Variants in SPOCK3 observed in about 807,000 individuals in gnomAD.
SPOCK3 encodes the protein SPARC (osteonectin), cwcv and kazal like domains proteoglycan 3, also known as testican-3.
A neutral mutation model predicts 56.6 loss-of-function variants in SPOCK3; 30 were observed. The ratio of observed to expected loss-of-function variants is 0.53; its 90% CI spans 0.40 to 0.72. The LOEUF is 0.72. SPOCK3 is among the 30% of genes least tolerant of loss of function. The pLI is 0.00. For synonymous variants in SPOCK3, 196 were observed against 183.3 expected (o/e 1.07, Z -0.56); for missense variants, 527 against 530.0 (o/e 0.99, Z 0.06).
chr4:167,166,033 A>G (rs1262077462), intron 2 of SPOCK3, among the ~76,000 whole-genome samples: 7 of 152,104 alleles, frequency 4.6e-5, no homozygotes, highest in Admixed American at 4.6e-4. Flanking sequence ...AAGATGGATG[A>G]CAAGTTACTG....
At chr4:167,120,572 A>T (rs943589072) in intron 2 of SPOCK3, among the ~76,000 whole-genome samples, 3 of 152,064 alleles carry the variant, frequency 2.0e-5, no homozygotes, top group Non-Finnish European at 4.4e-5. Flanking sequence ...ACTTAGTATT[A>T]TAGTTAGTAA....
At chr4:166,889,315 GA>G in intron 5 of SPOCK3, 71 bp from the exon 6 acceptor site, 1 of 975,644 alleles carries the variant, frequency 1.0e-6, no homozygotes, top group South Asian at 1.5e-5. Flanking sequence ...GAAATTTTTA[GA>G]AAGAAAGGTA....
chr4:167,006,583 C>G (rs887748102), intron 3 of SPOCK3, among the ~76,000 whole-genome samples: 1 of 151,946 alleles, frequency 6.6e-6, no homozygotes, highest in African/African-American at 2.4e-5. Flanking sequence ...TACTGTATTC[C>G]GATAATTCGC....
intron 2 of SPOCK3, among the ~76,000 whole-genome samples, chr4:167,199,337 G>A (rs926554063): frequency 6.6e-6 from 1 of 151,786 alleles, no homozygotes. Flanking sequence ...GTTAGCTGCT[G>A]ATGGCTTATA....
At chr4:166,925,400 AT>A (rs1461725958) in intron 4 of SPOCK3, among the ~76,000 whole-genome samples, 1 of 152,094 alleles carries the variant, frequency 6.6e-6, no homozygotes, top group Non-Finnish European at 1.5e-5. Flanking sequence ...TATTCCCCAA[AT>A]CAACAAAAAA....
chr4:167,195,117 C>G (rs1732820118), intron 2 of SPOCK3, among the ~76,000 whole-genome samples: 1 of 152,128 alleles, frequency 6.6e-6, no homozygotes, highest in Non-Finnish European at 1.5e-5. Flanking sequence ...GAGTTGCAGA[C>G]AGGTTACTTG....
At chr4:166,847,751 A>G (rs1395654434) in intron 6 of SPOCK3, among the ~76,000 whole-genome samples, 1 of 146,796 alleles carries the variant, frequency 6.8e-6, no homozygotes, top group Non-Finnish European at 1.5e-5. Context: ...ATCCAACACC[A>G]GCCATCTCTG....
intron 3 of SPOCK3, among the ~76,000 whole-genome samples, chr4:167,059,736 A>G: frequency 6.6e-6 from 1 of 152,250 alleles, no homozygotes; most frequent in East Asian, 1.9e-4. Context: ...ACAATATGAA[A>G]GACTTGGAAC....
At chr4:166,888,340 G>A (rs531864869) in intron 6 of SPOCK3, among the ~76,000 whole-genome samples, 10 of 152,110 alleles carry the variant, frequency 6.6e-5, no homozygotes, top group African/African-American at 2.4e-4. Flanking sequence ...GAGTTCAATA[G>A]TAATAAATTA....
At chr4:166,840,526 C>A (rs560288578) in intron 6 of SPOCK3, among the ~76,000 whole-genome samples, 15 of 152,146 alleles carry the variant, frequency 9.9e-5, no homozygotes, top group African/African-American at 3.6e-4. Flanking sequence ...TGTTTCTGGG[C>A]TTTCTAGTTT....
chr4:166,852,777 C>T (rs867128509), intron 6 of SPOCK3, among the ~76,000 whole-genome samples: 2 of 152,202 alleles, frequency 1.3e-5, no homozygotes, highest in African/African-American at 4.8e-5. Context: ...CAGAAGTTAG[C>T]AGAGGTTTTA....
At position 167,162,603 on chromosome 4, in the gene SPOCK3, G is replaced by T. The variant is rs567809385; in HGVS notation, c.189+71382C>A. On this transcript the variant is annotated intron_variant, in intron 2 of 10. Transcript: ENST00000357545. ...GCCCACTGGACAGTGCTGCTCGAAG[G>T]TATACATTATTACCTATCACCTTTT... 7.9e-4 allele frequency among the ~76,000 whole-genome samples: 120 copies of T among 152,136 alleles called. 2 individuals carry two copies. In the Middle Eastern group the frequency reaches 0.01, roughly 13 times the overall value.
chr4:167,065,610 A>G (rs1373854928), intron 2 of SPOCK3, among the ~76,000 whole-genome samples: 2 of 151,860 alleles, frequency 1.3e-5, no homozygotes, highest in Non-Finnish European at 2.9e-5. Context: ...TAGTCCCACT[A>G]CTAACCCATT....
chr4:166,959,030 T>G (rs897215996), intron 4 of SPOCK3, among the ~76,000 whole-genome samples: 2 of 152,180 alleles, frequency 1.3e-5, no homozygotes, highest in African/African-American at 4.8e-5. Flanking sequence ...AAAAGATTAA[T>G]TTTTATTTAT....
chr4:166,965,401 T>G lies in SPOCK3; in HGVS notation c.350+34948A>C, dbSNP rs536327221. Reference sequence around the variant, plus strand: ...AGAATTTTCTATTATTGTTTTTTTTTTTTTGTTTCTGAAAATCTCTTTGTT... The same window carrying G: ...AGAATTTTCTATTATTGTTTTTTTTGTTTTGTTTCTGAAAATCTCTTTGTT... On this transcript the variant is annotated intron_variant, in intron 4 of 10. Coordinates refer to ENST00000357545, the MANE Select transcript of SPOCK3 (RefSeq NM_001040159.2). Among the ~76,000 whole-genome samples, 3 of 151,688 alleles carry G rather than the reference T, an allele frequency of 2.0e-5. No individual in the cohort carries two copies. The East Asian group carries it at 5.8e-4, about 29-fold the overall frequency.
chr4:166,739,173 G>A (rs1734563246), intron 9 of SPOCK3, among the ~76,000 whole-genome samples: 1 of 152,158 alleles, frequency 6.6e-6, no homozygotes, highest in South Asian at 2.1e-4. Flanking sequence ...TAACCGGTGT[G>A]AGATGGTATC....
At chr4:166,810,432 T>G (rs1560882980) in intron 6 of SPOCK3, among the ~76,000 whole-genome samples, 1 of 152,070 alleles carries the variant, frequency 6.6e-6, no homozygotes, top group Non-Finnish European at 1.5e-5. Context: ...TTTTCAATAT[T>G]TCTTTAACAG....
At chr4:166,871,297 T>C (rs1732440919) in intron 6 of SPOCK3, among the ~76,000 whole-genome samples, 1 of 151,872 alleles carries the variant, frequency 6.6e-6, no homozygotes, top group Non-Finnish European at 1.5e-5. Context: ...ATCAATAAAA[T>C]TGAGAAGCAT....
At chr4:166,766,407 A>T (rs192893152) in intron 7 of SPOCK3, among the ~76,000 whole-genome samples, 1 of 152,256 alleles carries the variant, frequency 6.6e-6, no homozygotes, top group Admixed American at 6.5e-5. Context: ...AGGGCTGTCG[A>T]ATTTTGTCAA....
Sources: gnomAD v4.1 joint callset for allele counts (sites outside exome capture counted in the v4.1 genomes callset) on GRCh38, gnomAD v4.1.1 for gene constraint, MANE v1.5 for transcripts, NCBI Gene and HGNC (gene_info 2026-07-23, HGNC 2026-07-21) for gene names.